Variants in CADM2 observed in about 807,000 individuals in gnomAD.
CADM2 encodes immunoglobulin superfamily member 4D.
Under a neutral mutation model 49.8 loss-of-function variants are expected in CADM2, and 12 were observed. The observed-to-expected ratio is 0.24, with a 90% confidence interval of 0.15 to 0.39. The LOEUF is 0.39. Among genes scored for constraint, CADM2 ranks in the 10% least tolerant of loss-of-function variants. The pLI is 1.00. For missense variants in CADM2, 378 were observed against 492.3 expected (o/e 0.77, Z 2.20); for synonymous variants, 214 against 175.4 (o/e 1.22, Z -1.74).
At chr3:85,567,131 C>A (rs781410460) in intron 1 of CADM2, among the ~76,000 whole-genome samples, 2 of 152,106 alleles carry the variant, frequency 1.3e-5, no homozygotes, top group Non-Finnish European at 1.5e-5. Context: ...ATTTCACAGG[C>A]CAGTGTTGAC....
chr3:85,405,188 C>T (rs1446864850), intron 1 of CADM2, among the ~76,000 whole-genome samples: 2 of 152,068 alleles, frequency 1.3e-5, no homozygotes, highest in African/African-American at 4.8e-5. Flanking sequence ...GATATATTTA[C>T]ATATTACTAT....
chr3:85,881,570 G>T (rs113174214), intron 3 of CADM2, among the ~76,000 whole-genome samples: 22 of 152,192 alleles, frequency 1.4e-4, no homozygotes, highest in African/African-American at 5.3e-4. Context: ...TTCAATTATG[G>T]GCTGTGGTTC....
At chr3:85,407,529 G>A (rs897297162) in intron 1 of CADM2, among the ~76,000 whole-genome samples, 3 of 152,114 alleles carry the variant, frequency 2.0e-5, no homozygotes, top group African/African-American at 7.2e-5. Context: ...TTAAGCCAAA[G>A]CACAATTTCC....
chr3:85,117,584 A>G (rs920445870), intron 1 of CADM2, among the ~76,000 whole-genome samples: 18 of 152,272 alleles, frequency 1.2e-4, no homozygotes, highest in East Asian at 5.8e-4. Flanking sequence ...TATATTTATC[A>G]GATTATAATA....
At chr3:85,358,539 G>A (rs1205781192) in intron 1 of CADM2, among the ~76,000 whole-genome samples, 2 of 152,062 alleles carry the variant, frequency 1.3e-5, no homozygotes, top group East Asian at 3.9e-4. Flanking sequence ...ACAACTGTAT[G>A]AGCTGAATAT....
In CADM2 at chr3:85,880,455, T is replaced by C. The variant is rs546616250; in HGVS notation, c.239-2836T>C. Among the ~76,000 whole-genome samples, 5 of 152,290 alleles carry C rather than the reference T, an allele frequency of 3.3e-5. No homozygotes were observed. In the East Asian group the frequency reaches 9.7e-4, roughly 29 times the overall value. On this transcript the variant is annotated intron_variant, in intron 3 of 9. Coordinates refer to ENST00000383699, the MANE Select transcript of CADM2 (RefSeq NM_001167675.2). ...TCCTCTTATTACTAATTCTTTTATG[T>C]TTGAAAAATATTTTTTCTTTAAGAC...
intron 2 of CADM2, among the ~76,000 whole-genome samples, chr3:85,746,414 A>G (rs979438624): frequency 1.3e-5 from 2 of 152,194 alleles, no homozygotes; most frequent in African/African-American, 4.8e-5. Flanking sequence ...AAGGAAAAAT[A>G]TGGAGAATTT....
chr3:85,034,073 T>C (rs2035101545), intron 1 of CADM2, among the ~76,000 whole-genome samples: 1 of 152,266 alleles, frequency 6.6e-6, no homozygotes, highest in South Asian at 2.1e-4. Context: ...CACATCAAGG[T>C]AAATGAAGTG....
chr3:85,270,626 T>TAA (rs775310775), intron 1 of CADM2, among the ~76,000 whole-genome samples: 193 of 151,242 alleles, frequency 1.3e-3, no homozygotes, highest in African/African-American at 4.6e-3. Flanking sequence ...TGTGGTGAGA[T>TAA]AAAAGCCTGA....
intron 1 of CADM2, among the ~76,000 whole-genome samples, chr3:85,460,508 A>C (rs187195014): frequency 6.6e-6 from 1 of 152,214 alleles, no homozygotes; most frequent in Admixed American, 6.5e-5. Context: ...GGAAACCTTA[A>C]GTTTTTGAAG....
chr3:86,001,006 G>A (rs972048018), intron 8 of CADM2, among the ~76,000 whole-genome samples: 2 of 152,134 alleles, frequency 1.3e-5, no homozygotes, highest in African/African-American at 4.8e-5. Flanking sequence ...TCTAGTGAAT[G>A]CTGATAAGGG....
intron 3 of CADM2, among the ~76,000 whole-genome samples, chr3:85,872,449 G>T (rs2075965773): frequency 6.6e-6 from 1 of 150,838 alleles, no homozygotes; most frequent in Non-Finnish European, 1.5e-5. Context: ...AATGTTTTTG[G>T]TAAGTTTTGG....
intron 1 of CADM2, among the ~76,000 whole-genome samples, chr3:85,246,252 C>T (rs565235787): frequency 2.0e-5 from 3 of 151,988 alleles, no homozygotes; most frequent in Admixed American, 6.6e-5. Context: ...ACAATGAGAA[C>T]ACTTGGACAC....
intron 1 of CADM2, among the ~76,000 whole-genome samples, chr3:85,060,169 C>A (rs558504002): frequency 1.3e-5 from 2 of 152,210 alleles, no homozygotes; most frequent in African/African-American, 4.8e-5. Flanking sequence ...CCCTCTCTGT[C>A]GCCCAGGCTG....
intron 8 of CADM2, chr3:85,993,232 C>A (rs1559788155): frequency 6.6e-6 from 1 of 152,186 alleles, no homozygotes; most frequent in South Asian, 2.1e-4. Flanking sequence ...GTCACTGTAT[C>A]TTCACCAGGA....
chr3:84,970,402 A>G (rs370896828), intron 1 of CADM2, among the ~76,000 whole-genome samples: 3 of 151,828 alleles, frequency 2.0e-5, no homozygotes, highest in African/African-American at 4.8e-5. Context: ...TGTAGTGACT[A>G]TATTTTCACA....
intron 1 of CADM2, among the ~76,000 whole-genome samples, chr3:85,580,195 T>C (rs930873227): frequency 2.0e-5 from 3 of 152,194 alleles, no homozygotes; most frequent in South Asian, 2.1e-4. Context: ...ATTTCAGTTA[T>C]TTACTACAAT....
chr3:84,987,621 A>C (rs1017238291), intron 1 of CADM2, among the ~76,000 whole-genome samples: 2 of 152,116 alleles, frequency 1.3e-5, no homozygotes, highest in African/African-American at 4.8e-5. Flanking sequence ...ATAGGCCTTC[A>C]GTCAGTGGAG....
chr3:85,035,199 G>C (rs1037641608), intron 1 of CADM2, among the ~76,000 whole-genome samples: 1 of 152,058 alleles, frequency 6.6e-6, no homozygotes, highest in African/African-American at 2.4e-5. Context: ...TCGTCTACCT[G>C]TTTGCCACTT....
Sources: gnomAD v4.1 joint callset for allele counts (sites outside exome capture counted in the v4.1 genomes callset) on GRCh38, gnomAD v4.1.1 for gene constraint, MANE v1.5 for transcripts, NCBI Gene and HGNC (gene_info 2026-07-23, HGNC 2026-07-21) for gene names.